SLC9C1: variants seen among roughly 807,000 people sequenced by gnomAD.
SLC9C1 encodes the protein sodium/hydrogen exchanger 10.
In SLC9C1, 97 loss-of-function variants were observed where a neutral mutation model predicts 140.9. The observed-to-expected ratio is 0.69, with a 90% confidence interval of 0.58 to 0.82. The LOEUF is 0.82. Ranked by LOEUF, SLC9C1 falls within the 40% of genes least tolerant of loss-of-function variation. The probability of loss-of-function intolerance (pLI) is 0.00; values close to 1 mark genes in which losing one functional copy is unlikely to be tolerated. For missense variants in SLC9C1, 1,340 were observed against 1,389.3 expected (o/e 0.96, Z 0.56); for synonymous variants, 440 against 442.6 (o/e 0.99, Z 0.07).
At chr3:112,263,330 A>C (rs1204344424) in intron 9 of SLC9C1, among the ~76,000 whole-genome samples, 1 of 151,936 alleles carries the variant, frequency 6.6e-6, no homozygotes, top group Non-Finnish European at 1.5e-5. Flanking sequence ...GTAGCATAGT[A>C]AATTTACATC....
At position 112,179,637 on chromosome 3, in the gene SLC9C1, G is replaced by A. The variant is rs572197977; in HGVS notation, c.2813C>T (p.Pro938Leu). 5.4e-4 allele frequency: 869 copies of A among 1,610,704 alleles called. 11 individuals carry two copies. In the South Asian group the frequency reaches 9.0e-3, roughly 17 times the overall value. ...QMVESKEKDF[P>L]IIDTDYMLSG... is the part of the protein sequence containing the mutation. ...GAGCATATAGTCTGTGTCAATTATC[G>A]GAAAATCTTTCTCCTTTGACTCCAC... The change falls in exon 23 of 29, where the codon CCG (proline) becomes CTG (leucine). Residue 938 changes from proline to leucine, a missense_variant. Transcript: ENST00000305815.
intron 15 of SLC9C1, among the ~76,000 whole-genome samples, chr3:112,212,434 T>C (rs1418878657): frequency 1.3e-5 from 2 of 152,112 alleles, no homozygotes; most frequent in Non-Finnish European, 2.9e-5. Context: ...TTCGAACCCA[T>C]GGCAAAGAAG....
chr3:112,284,194 C>T (rs775823073), intron 2 of SLC9C1, among the ~76,000 whole-genome samples: 11 of 152,182 alleles, frequency 7.2e-5, no homozygotes, highest in Non-Finnish European at 1.2e-4. Context: ...TTTTAAAAGT[C>T]TGATAAATGT....
intron 10 of SLC9C1, among the ~76,000 whole-genome samples, chr3:112,244,522 A>G (rs2079226616): frequency 6.6e-6 from 1 of 152,176 alleles, no homozygotes; most frequent in Non-Finnish European, 1.5e-5. Context: ...GGGAAAGGAG[A>G]ACAACTCAAG....
At chr3:112,242,047 T>A (rs747255839) in intron 11 of SLC9C1, among the ~76,000 whole-genome samples, 33 of 152,136 alleles carry the variant, frequency 2.2e-4, no homozygotes, top group Non-Finnish European at 3.7e-4. Flanking sequence ...GAGAAATAAT[T>A]TTTGGCTAAG....
chr3:112,206,465 C>A (rs925954211), intron 16 of SLC9C1, among the ~76,000 whole-genome samples: 3 of 151,996 alleles, frequency 2.0e-5, no homozygotes, highest in African/African-American at 7.2e-5. Context: ...ACTAGAAATA[C>A]CATTTGACCC....
At chr3:112,244,460 G>A (rs898795366) in intron 10 of SLC9C1, among the ~76,000 whole-genome samples, 5 of 152,106 alleles carry the variant, frequency 3.3e-5, no homozygotes, top group Non-Finnish European at 5.9e-5. Flanking sequence ...TGGCCACACC[G>A]TTCTCTATTC....
chr3:112,147,549 T>C, intron 28 of SLC9C1: 1 of 388,650 alleles, frequency 2.6e-6, no homozygotes, highest in South Asian at 1.9e-5. Flanking sequence ...AAGCTTAGTT[T>C]GGCAGGATAT....
Position 112,221,234 on chromosome 3 carries a change from A to C in SLC9C1, c.1573-9T>G. ...TGTCTCTGGTAGCTTGCCTAAAAAA[A>C]TATTAATTCAAGTCATTATATAGCA... On this transcript the variant is annotated splice_polypyrimidine_tract_variant and intron_variant, in intron 13 of 28. Transcript: ENST00000305815. The C allele has an allele frequency of 6.2e-7, 1 of 1,610,154 alleles. No homozygotes were observed. Among genetic ancestry groups the C allele is most frequent in the Non-Finnish European group, 8.5e-7 (1 of 1,177,072 alleles).
intron 28 of SLC9C1, among the ~76,000 whole-genome samples, chr3:112,149,279 G>A (rs2074890626): frequency 6.6e-6 from 1 of 151,758 alleles, no homozygotes; most frequent in African/African-American, 2.4e-5. Flanking sequence ...GAAGGGTGGG[G>A]TGGCTCAGGC....
At chr3:112,155,124 G>A in intron 26 of SLC9C1, 75 bp from the exon 27 acceptor site, 2 of 1,253,952 alleles carry the variant, frequency 1.6e-6, no homozygotes. Context: ...CCAACTATCA[G>A]ATTAGATCAG....
At chr3:112,182,740 CA>C (rs1328951878) in intron 20 of SLC9C1, among the ~76,000 whole-genome samples, 2 of 152,224 alleles carry the variant, frequency 1.3e-5, no homozygotes, top group East Asian at 3.8e-4. Flanking sequence ...ACATTTGCTT[CA>C]CCCTAGAATC....
intron 20 of SLC9C1, among the ~76,000 whole-genome samples, chr3:112,190,343 C>T (rs1340464805): frequency 6.6e-6 from 1 of 151,980 alleles, no homozygotes; most frequent in East Asian, 1.9e-4. Flanking sequence ...CATTTTTTGC[C>T]CCTTCAGTAT....
chr3:112,202,142 A>G, intron 18 of SLC9C1, 108 bp downstream of exon 18: 1 of 1,232,458 alleles, frequency 8.1e-7, no homozygotes, highest in South Asian at 1.4e-5. Flanking sequence ...GAAATGAATT[A>G]GAAAACCAGG....
Position 112,160,674 on chromosome 3 carries a change from G to GA in SLC9C1, c.3365-5626_3365-5625insT, listed in dbSNP as rs1576231237. ...TTTCTTAATCCAGTCTATCATTGTT[G>GA]GACATTTGGGTTGGTTCCAAGTCTT... On this transcript the variant is annotated intron_variant, in intron 26 of 28. Coordinates refer to ENST00000305815, the MANE Select transcript of SLC9C1 (RefSeq NM_183061.3). Among the ~76,000 whole-genome samples, 5 of 151,078 alleles carry GA rather than the reference G, an allele frequency of 3.3e-5. No individual in the cohort carries two copies. The East Asian group carries it at 9.7e-4, about 29-fold the overall frequency.
At chr3:112,217,277 C>T (rs1023377367) in intron 15 of SLC9C1, among the ~76,000 whole-genome samples, 165 bp downstream of exon 15, 16 of 152,146 alleles carry the variant, frequency 1.1e-4, no homozygotes, top group African/African-American at 3.6e-4. Flanking sequence ...ATGAATGAAG[C>T]ACACCAACGT....
intron 21 of SLC9C1, among the ~76,000 whole-genome samples, chr3:112,181,823 A>G (rs903652970): frequency 2.0e-5 from 3 of 152,186 alleles, no homozygotes; most frequent in Non-Finnish European, 2.9e-5. Context: ...ATTTCAAGAA[A>G]AGTAAATAGC....
In SLC9C1 at chr3:112,233,026, T is replaced by TACACACACAC. The variant is rs60551268; in HGVS notation, c.1447-1550_1447-1541dup. Reference sequence around the variant, plus strand: ...AGCCATTTTCTAAGGTTCACTTTCATACACACACACACACACACACACACA... The same window carrying TACACACACAC: ...AGCCATTTTCTAAGGTTCACTTTCATACACACACACACACACACACACACACACACACACA... On this transcript the variant is annotated intron_variant, in intron 12 of 28. Transcript: ENST00000305815. Among the ~76,000 whole-genome samples the TACACACACAC allele has an allele frequency of 9.8e-3, 1,315 of 134,344 alleles. 19 individuals carry two copies. Among genetic ancestry groups the TACACACACAC allele is most frequent in the South Asian group, 0.026 (106 of 4,098 alleles). 88.1% of individuals were successfully genotyped at this position (134,344 alleles called of 152,430 possible).
intron 3 of SLC9C1, chr3:112,279,073 G>A (rs2080292952): frequency 7.3e-6 from 3 of 410,150 alleles, no homozygotes; most frequent in Non-Finnish European, 1.3e-5. Flanking sequence ...GATAGAGACT[G>A]GAAAGTTAAT....
Sources: allele counts gnomAD v4.1 joint callset (sites outside exome capture counted in the v4.1 genomes callset), GRCh38; gene constraint gnomAD v4.1.1; transcripts MANE v1.5; gene names NCBI Gene and HGNC (gene_info 2026-07-23, HGNC 2026-07-21).